DYNLL1: variants seen among roughly 807,000 people sequenced by gnomAD.
The protein encoded by DYNLL1 is dynein light chain LC8-type 1.
DYNLL1 carries 3 observed loss-of-function variants against 10.1 expected under a neutral mutation model. That is an observed-to-expected ratio of 0.30 (90% CI 0.14 to 0.77). DYNLL1 has a LOEUF of 0.77. DYNLL1 is among the 30% of genes least tolerant of loss of function. The pLI is 0.66. For missense variants in DYNLL1, 47 were observed against 111.7 expected (o/e 0.42, Z 2.61); for synonymous variants, 46 against 41.2 (o/e 1.12, Z -0.45).
chr12:120,479,964 G>A (rs1878846757), intron 1 of DYNLL1, among the ~76,000 whole-genome samples: 1 of 152,174 alleles, frequency 6.6e-6, no homozygotes. Flanking sequence ...TCCCTGAATA[G>A]GATGATTGTA....
At chr12:120,494,924 G>A (rs1202328373), upstream of DYNLL1, among the ~76,000 whole-genome samples, 2 of 152,114 alleles carry the variant, frequency 1.3e-5, no homozygotes, top group African/African-American at 4.8e-5. Context: ...GTGGCCTTTG[G>A]GATAGTTGTA....
At chr12:120,487,121 C>A (rs553810270) in intron 1 of DYNLL1, among the ~76,000 whole-genome samples, 1 of 151,268 alleles carries the variant, frequency 6.6e-6, no homozygotes, top group Admixed American at 6.6e-5. Flanking sequence ...ACTACAGGCG[C>A]CCGCCACCAC....
intron 1 of DYNLL1, among the ~76,000 whole-genome samples, chr12:120,472,592 G>GA (rs922877774): frequency 2.6e-5 from 4 of 151,852 alleles, no homozygotes; most frequent in African/African-American, 7.3e-5. Flanking sequence ...GACAAAAAAG[G>GA]AAAAAAAAGT....
At chr12:120,483,455 T>C (rs1011084734) in intron 1 of DYNLL1, among the ~76,000 whole-genome samples, 4 of 152,044 alleles carry the variant, frequency 2.6e-5, no homozygotes, top group African/African-American at 9.7e-5. Context: ...GTGAGGAATA[T>C]ACACAAGTCA....
intron 1 of DYNLL1, among the ~76,000 whole-genome samples, chr12:120,478,664 C>A (rs953531928): frequency 2.7e-5 from 4 of 147,836 alleles, no homozygotes; most frequent in Non-Finnish European, 4.5e-5. Flanking sequence ...CCAGCCTGGC[C>A]AACATGGTGA....
At chr12:120,485,804 A>C (rs938365306) in intron 1 of DYNLL1, among the ~76,000 whole-genome samples, 1 of 147,838 alleles carries the variant, frequency 6.8e-6, no homozygotes, top group African/African-American at 2.5e-5. Flanking sequence ...TCGCACCACT[A>C]CACCCTAGCC....
At chr12:120,482,565 G>A (rs562429247) in intron 1 of DYNLL1, among the ~76,000 whole-genome samples, 2 of 151,748 alleles carry the variant, frequency 1.3e-5, no homozygotes, top group African/African-American at 2.4e-5. Context: ...CTTGTGATCC[G>A]CCTGCCTCGG....
chr12:120,476,927 G>GTT (rs1220920701), intron 1 of DYNLL1, among the ~76,000 whole-genome samples: 1 of 142,934 alleles, frequency 7.0e-6, no homozygotes, highest in African/African-American at 2.7e-5. Context: ...TTTTTGTTTT[G>GTT]TTTTTTTTGT....
At chr12:120,473,969 C>T (rs979270617) in intron 1 of DYNLL1, among the ~76,000 whole-genome samples, 1 of 151,356 alleles carries the variant, frequency 6.6e-6, no homozygotes, top group African/African-American at 2.4e-5. Context: ...GACTCTGTCT[C>T]AAAACATAAA....
chr12:120,496,463 G>A lies in DYNLL1; in HGVS notation c.42G>A (p.Ser14=). 2 of 1,614,112 alleles carry A rather than the reference G, an allele frequency of 1.2e-6. No individual in the cohort carries two copies. Among genetic ancestry groups the A allele is most frequent in the East Asian group, 2.2e-5 (1 of 44,888 alleles). The change falls in exon 2 of 3, where the codon TCG becomes TCA. Residue 14 remains serine (S), a synonymous_variant. Transcript: ENST00000242577. ...RKAVIKNADM[S]EEMQQDSVEC... is the part of the protein sequence containing the mutation. ...CCGTGATCAAAAATGCGGACATGTC[G>A]GAAGAGATGCAACAGGACTCGGTGG...
chr12:120,484,172 C>G (rs915331912), intron 1 of DYNLL1, among the ~76,000 whole-genome samples: 2 of 151,788 alleles, frequency 1.3e-5, no homozygotes, highest in African/African-American at 4.8e-5. Context: ...CATGTTTGCA[C>G]GCTGGTGGGA....
intron 1 of DYNLL1, among the ~76,000 whole-genome samples, chr12:120,470,815 C>A (rs954971994): frequency 6.6e-6 from 1 of 151,928 alleles, no homozygotes; most frequent in East Asian, 2.0e-4. Flanking sequence ...GAGGCCAAGG[C>A]GGGAGGATCA....
intron 1 of DYNLL1, among the ~76,000 whole-genome samples, chr12:120,489,218 T>C (rs1159966099): frequency 1.3e-5 from 2 of 152,200 alleles, no homozygotes; most frequent in African/African-American, 4.8e-5. Context: ...AGCTGATGAC[T>C]CTCCAAATTA....
upstream of DYNLL1, among the ~76,000 whole-genome samples, chr12:120,494,504 T>C (rs1384482851): frequency 6.6e-6 from 1 of 151,864 alleles, no homozygotes; most frequent in Non-Finnish European, 1.5e-5. Context: ...TCAAACTCCT[T>C]ACCTCAGGTC....
chr12:120,473,023 G>T (rs1484661165), intron 1 of DYNLL1, among the ~76,000 whole-genome samples: 55 of 152,138 alleles, frequency 3.6e-4, no homozygotes, highest in Admixed American at 3.5e-3. Context: ...CATTATTTAT[G>T]ATTTAGGTCC....
chr12:120,483,481 T>C (rs1878929588), intron 1 of DYNLL1, among the ~76,000 whole-genome samples: 1 of 151,882 alleles, frequency 6.6e-6, no homozygotes, highest in African/African-American at 2.4e-5. Context: ...AACTTCTAGA[T>C]CTCTCTCCTG....
chr12:120,474,129 G>A (rs548177831), intron 1 of DYNLL1, among the ~76,000 whole-genome samples: 10 of 151,820 alleles, frequency 6.6e-5, no homozygotes, highest in African/African-American at 9.7e-5. Flanking sequence ...TTAAAACCCC[G>A]TCTCTACAAA....
chr12:120,486,682 C>G (rs1879001258), intron 1 of DYNLL1, among the ~76,000 whole-genome samples: 1 of 152,088 alleles, frequency 6.6e-6, no homozygotes, highest in Non-Finnish European at 1.5e-5. Context: ...CTATATTGCC[C>G]AGGCTGGTCT....
intron 1 of DYNLL1, among the ~76,000 whole-genome samples, chr12:120,474,442 TA>T (rs11355698): frequency 0.69 from 98,140 of 142,686 alleles, 33,140 homozygotes; most frequent in African/African-American, 0.79. Flanking sequence ...AAAAACAACA[TA>T]AAAAAAAAAA....
Sources: allele counts gnomAD v4.1 joint callset (sites outside exome capture counted in the v4.1 genomes callset), GRCh38; gene constraint gnomAD v4.1.1; transcripts MANE v1.5; gene names NCBI Gene and HGNC (gene_info 2026-07-23, HGNC 2026-07-21).